Variants in GTF2F2 observed in about 807,000 individuals in gnomAD.
GTF2F2 encodes the protein ATP-dependent helicase GTF2F2.
GTF2F2 carries 23 observed loss-of-function variants against 42.2 expected under a neutral mutation model. The observed-to-expected ratio is 0.55, with a 90% CI of 0.39 to 0.77. GTF2F2 has a LOEUF of 0.77. Ranked by LOEUF, GTF2F2 falls within the 30% of genes least tolerant of loss-of-function variation. The pLI, the probability that GTF2F2 is intolerant of heterozygous loss-of-function variation, is 0.00. For missense variants in GTF2F2, 261 were observed against 287.2 expected (o/e 0.91, Z 0.66); for synonymous variants, 105 against 100.8 (o/e 1.04, Z -0.25).
chr13:45,183,926 G>A (rs1429139753), intron 4 of GTF2F2, among the ~76,000 whole-genome samples: 1 of 151,804 alleles, frequency 6.6e-6, no homozygotes, highest in African/African-American at 2.4e-5. Context: ...CACGATCTTG[G>A]CTCACAGCAA....
intron 4 of GTF2F2, among the ~76,000 whole-genome samples, chr13:45,158,262 T>C (rs1870862482): frequency 6.6e-6 from 1 of 152,204 alleles, no homozygotes; most frequent in Non-Finnish European, 1.5e-5. Flanking sequence ...ATCTGGTGGG[T>C]TGATAAGGGG....
intron 4 of GTF2F2, among the ~76,000 whole-genome samples, chr13:45,158,256 G>T (rs1269329425): frequency 6.6e-6 from 1 of 152,146 alleles, no homozygotes; most frequent in Non-Finnish European, 1.5e-5. Flanking sequence ...CATGAGATCT[G>T]GTGGGTTGAT....
chr13:45,157,902 C>T (rs1281831625), intron 4 of GTF2F2, among the ~76,000 whole-genome samples: 1 of 152,108 alleles, frequency 6.6e-6, no homozygotes, highest in East Asian at 1.9e-4. Context: ...GGATTTGTTA[C>T]CTGAAACCAG....
rs539163910 is a variant in GTF2F2 at position 45,165,835 on chromosome 13, C to T, written c.304+14004C>T. The stretch of plus-strand genomic sequence containing the variant: ...TTTTTTTTTTTTTTTTTTTTTGAGA[C>T]GGAGTTTCAATCTTCTTACCCAGGC... On this transcript the variant is annotated intron_variant, in intron 4 of 7. Coordinates refer to ENST00000340473, the MANE Select transcript of GTF2F2 (RefSeq NM_004128.3). Among the ~76,000 whole-genome samples, 5 of 99,372 alleles carry T rather than the reference C, an allele frequency of 5.0e-5. No homozygotes were observed. The East Asian group carries it at 1.1e-3, about 23-fold the overall frequency. The allele number at this position is 99,372 out of a possible 152,430, so 65.2% of individuals were successfully genotyped here.
intron 4 of GTF2F2, among the ~76,000 whole-genome samples, chr13:45,171,013 A>G (rs1196484561): frequency 6.6e-6 from 1 of 151,876 alleles, no homozygotes; most frequent in African/African-American, 2.4e-5. Context: ...GAGAGAAAGC[A>G]ACGTTGCTTG....
intron 6 of GTF2F2, among the ~76,000 whole-genome samples, chr13:45,262,553 A>G (rs535041948): frequency 4.0e-5 from 6 of 151,516 alleles, no homozygotes; most frequent in African/African-American, 1.5e-4. Context: ...TCAGCCTCCC[A>G]AGGAGCTTGG....
At chr13:45,279,781 T>C (rs1048480957) in intron 7 of GTF2F2, among the ~76,000 whole-genome samples, 1 of 152,130 alleles carries the variant, frequency 6.6e-6, no homozygotes, top group South Asian at 2.1e-4. Context: ...GTCACATGCC[T>C]GTAATCCCAG....
chr13:45,267,585 A>G (rs1876620612), intron 7 of GTF2F2, among the ~76,000 whole-genome samples: 1 of 152,214 alleles, frequency 6.6e-6, no homozygotes, highest in African/African-American at 2.4e-5. Flanking sequence ...TTATTTATGA[A>G]GAAAAGAAAT....
chr13:45,143,656 G>T (rs550237722), intron 2 of GTF2F2, among the ~76,000 whole-genome samples: 2 of 152,174 alleles, frequency 1.3e-5, no homozygotes, highest in Non-Finnish European at 2.9e-5. Flanking sequence ...GAAACTAGGA[G>T]ATCTGTATGG....
At chr13:45,165,472 G>C (rs1343844221) in intron 4 of GTF2F2, among the ~76,000 whole-genome samples, 1 of 151,522 alleles carries the variant, frequency 6.6e-6, no homozygotes, top group Non-Finnish European at 1.5e-5. Flanking sequence ...TAAAATTGAA[G>C]TGTGACCGAT....
At chr13:45,132,532 G>T (rs931046115) in intron 1 of GTF2F2, among the ~76,000 whole-genome samples, 12 of 151,874 alleles carry the variant, frequency 7.9e-5, no homozygotes, top group African/African-American at 2.9e-4. Context: ...AATGAGAGAA[G>T]ACAGAAGTTA....
intron 5 of GTF2F2, among the ~76,000 whole-genome samples, chr13:45,248,034 G>A (rs1202766516): frequency 1.3e-5 from 2 of 151,672 alleles, no homozygotes; most frequent in Admixed American, 6.6e-5. Context: ...TAATAGAAAC[G>A]GGGTTTCACC....
At chr13:45,127,944 T>C (rs1869119560) in intron 1 of GTF2F2, among the ~76,000 whole-genome samples, 1 of 102,146 alleles carries the variant, frequency 9.8e-6, no homozygotes, top group Non-Finnish European at 2.2e-5. Flanking sequence ...CGGCCTTTTT[T>C]TTTTTTTTTT....
intron 1 of GTF2F2, among the ~76,000 whole-genome samples, chr13:45,136,454 C>T (rs1287926345): frequency 2.6e-5 from 4 of 152,128 alleles, no homozygotes; most frequent in Non-Finnish European, 4.4e-5. Context: ...TCTTCTGTGA[C>T]CTTTAATTGG....
At chr13:45,155,575 A>G (rs1870716739) in intron 4 of GTF2F2, among the ~76,000 whole-genome samples, 1 of 152,220 alleles carries the variant, frequency 6.6e-6, no homozygotes, top group Non-Finnish European at 1.5e-5. Context: ...AGAGGAGACT[A>G]ATGATTAAGT....
At chr13:45,252,062 C>T (rs571937253) in intron 5 of GTF2F2, among the ~76,000 whole-genome samples, 1 of 152,278 alleles carries the variant, frequency 6.6e-6, no homozygotes, top group South Asian at 2.1e-4. Flanking sequence ...AAGATAGCTA[C>T]TTAAATATAC....
chr13:45,149,570 T>A (rs1004523469), intron 2 of GTF2F2, among the ~76,000 whole-genome samples, 200 bp from the exon 3 acceptor site: 2 of 152,146 alleles, frequency 1.3e-5, no homozygotes, highest in South Asian at 4.1e-4. Context: ...TCCAAAATAA[T>A]GATGTGTGAT....
rs185670777 is a variant in GTF2F2 at position 45,163,468 on chromosome 13, G to A, written c.304+11637G>A. Among the ~76,000 whole-genome samples, 191 of 152,084 alleles carry A rather than the reference G, an allele frequency of 1.3e-3. 4 individuals are homozygous for A. The highest frequency in any genetic ancestry group is 4.3e-3 in the African/African-American group (178 of 41,492). On this transcript the variant is annotated intron_variant, in intron 4 of 7. Coordinates refer to ENST00000340473, the MANE Select transcript of GTF2F2 (RefSeq NM_004128.3). ...GGAGAATTGCTTGAACCCAGGAGGC[G>A]GAGGTTGCAGTGAGCCGAGATAGCG...
At chr13:45,166,795 T>C (rs1255712206) in intron 4 of GTF2F2, among the ~76,000 whole-genome samples, 1 of 152,212 alleles carries the variant, frequency 6.6e-6, no homozygotes, top group Non-Finnish European at 1.5e-5. Context: ...GTAGGGACAT[T>C]ATATACAACT....
Sources: gnomAD v4.1 joint callset for allele counts (sites outside exome capture counted in the v4.1 genomes callset) on GRCh38, gnomAD v4.1.1 for gene constraint, MANE v1.5 for transcripts, NCBI Gene and HGNC (gene_info 2026-07-23, HGNC 2026-07-21) for gene names.